CLNK: variants seen among roughly 807,000 people sequenced by gnomAD.
CLNK encodes the protein cytokine dependent hematopoietic cell linker.
Under a neutral mutation model 68.6 loss-of-function variants are expected in CLNK, and 74 were observed. The ratio of observed to expected loss-of-function variants is 1.08; its 90% CI spans 0.89 to 1.31. The LOEUF (loss-of-function observed/expected upper bound fraction) is 1.31, where lower values mean the gene tolerates loss of function less well. CLNK is among the 50% of genes most tolerant of loss of function. The pLI is 0.00. For synonymous variants in CLNK, 198 were observed against 172.2 expected, an observed-to-expected ratio of 1.15 and a Z score of -1.17; for missense variants, 553 against 515.3, an observed-to-expected ratio of 1.07 and a Z score of -0.71.
the CLNK span, among the ~76,000 whole-genome samples, chr4:10,726,008 AGAGGCTGTGAGC>A: frequency 6.6e-6 from 1 of 152,234 alleles, no homozygotes; most frequent in African/African-American, 2.4e-5. Flanking sequence ...TCTGGGGACC[AGAGGCTGTGAGC>A]AAGGTGTGGG....
chr4:10,710,267 G>A, the CLNK span, among the ~76,000 whole-genome samples: 1 of 152,140 alleles, frequency 6.6e-6, no homozygotes, highest in African/African-American at 2.4e-5. Context: ...GAGGCATTAA[G>A]AGTGGTTGGT....
intron 2 of CLNK, among the ~76,000 whole-genome samples, chr4:10,612,300 A>G (rs1436287552): frequency 6.6e-6 from 1 of 152,260 alleles, no homozygotes; most frequent in Non-Finnish European, 1.5e-5. Flanking sequence ...GGTCTGCCCA[A>G]CATCATGGTC....
intron 8 of CLNK, among the ~76,000 whole-genome samples, chr4:10,556,646 C>T (rs1420368636): frequency 2.0e-5 from 3 of 152,196 alleles, no homozygotes; most frequent in Non-Finnish European, 4.4e-5. Context: ...ATTATTATGA[C>T]TGAGGCCATT....
chr4:10,661,336 G>A (rs1356377446), intron 2 of CLNK, among the ~76,000 whole-genome samples: 1 of 152,146 alleles, frequency 6.6e-6, no homozygotes, highest in East Asian at 1.9e-4. Context: ...TATTGTGCAA[G>A]GTTTCAAAGA....
chr4:10,537,597 C>A (rs960817907), intron 11 of CLNK, among the ~76,000 whole-genome samples: 2 of 151,936 alleles, frequency 1.3e-5, no homozygotes, highest in Non-Finnish European at 2.9e-5. Flanking sequence ...CCCTCCCTCC[C>A]TGTCTTTCTC....
At chr4:10,725,443 C>T in the CLNK span, among the ~76,000 whole-genome samples, 1 of 152,118 alleles carries the variant, frequency 6.6e-6, no homozygotes, top group Non-Finnish European at 1.5e-5. Flanking sequence ...CCCTCCCTAG[C>T]CTCCTCCTTC....
At chr4:10,508,640 A>T (rs917365607) in intron 16 of CLNK, among the ~76,000 whole-genome samples, 1 of 152,176 alleles carries the variant, frequency 6.6e-6, no homozygotes, top group African/African-American at 2.4e-5. Context: ...TGGACTTGCA[A>T]TTCCTTCACA....
intron 3 of CLNK, among the ~76,000 whole-genome samples, chr4:10,587,084 C>T (rs1037754657): frequency 1.3e-5 from 2 of 152,110 alleles, no homozygotes; most frequent in East Asian, 3.9e-4. Flanking sequence ...CCGGCCTCAG[C>T]CTCACAAGTA....
intron 4 of CLNK, among the ~76,000 whole-genome samples, chr4:10,581,870 G>C (rs1032473667): frequency 1.3e-5 from 2 of 152,110 alleles, no homozygotes; most frequent in African/African-American, 4.8e-5. Context: ...AGTCTGGATA[G>C]TTTTCTTCTC....
chr4:10,645,602 C>A (rs901276560), intron 2 of CLNK, among the ~76,000 whole-genome samples: 2 of 151,638 alleles, frequency 1.3e-5, no homozygotes, highest in African/African-American at 4.8e-5. Flanking sequence ...TAGCTTATAC[C>A]ATAATATATG....
At chr4:10,610,301 C>T (rs1721962183) in intron 2 of CLNK, among the ~76,000 whole-genome samples, 1 of 150,440 alleles carries the variant, frequency 6.6e-6, no homozygotes. Context: ...GCCTCGGCCT[C>T]CCAAAGTGCT....
the CLNK span, among the ~76,000 whole-genome samples, chr4:10,706,568 A>G: frequency 6.6e-6 from 1 of 152,204 alleles, no homozygotes; most frequent in African/African-American, 2.4e-5. Flanking sequence ...TCAGGAGAAG[A>G]AGAGGAAGTA....
intron 2 of CLNK, among the ~76,000 whole-genome samples, chr4:10,666,988 C>T (rs759340670): frequency 1.3e-5 from 2 of 152,226 alleles, no homozygotes; most frequent in Non-Finnish European, 2.9e-5. Context: ...AGTCCCCTAG[C>T]CTCCCGCTAG....
chr4:10,664,678 A>C (rs1046106765), intron 2 of CLNK, among the ~76,000 whole-genome samples: 3 of 152,222 alleles, frequency 2.0e-5, no homozygotes, highest in Non-Finnish European at 4.4e-5. Context: ...GGGCTGTAGC[A>C]GCTGAGATTC....
Position 10,653,939 on chromosome 4 carries a change from C to A in CLNK, c.11+13920G>T, listed in dbSNP as rs546035014. On this transcript the variant is annotated intron_variant, in intron 2 of 18. Transcript: ENST00000226951. ...ATGAGGGAATAGTAAAACTGACTATCTTTCTATAACCATCAATGATATTGA... is the reference window on the plus strand; with the variant it reads ...ATGAGGGAATAGTAAAACTGACTATATTTCTATAACCATCAATGATATTGA... Among the ~76,000 whole-genome samples, 11 of 152,278 alleles carry A rather than the reference C, an allele frequency of 7.2e-5. No homozygotes were observed. In the South Asian group the frequency reaches 2.1e-3, roughly 29 times the overall value.
the CLNK span, among the ~76,000 whole-genome samples, chr4:10,707,505 G>A: frequency 6.6e-6 from 1 of 152,200 alleles, no homozygotes; most frequent in Non-Finnish European, 1.5e-5. Context: ...CCACTTGTGG[G>A]TATTCCCCCT....
intron 2 of CLNK, among the ~76,000 whole-genome samples, chr4:10,644,859 A>G (rs1723450876): frequency 6.6e-6 from 1 of 152,144 alleles, no homozygotes; most frequent in African/African-American, 2.4e-5. Context: ...TATTTATAAG[A>G]GGATACTTAT....
At chr4:10,600,442 G>A (rs1033295617) in intron 2 of CLNK, among the ~76,000 whole-genome samples, 1 of 152,160 alleles carries the variant, frequency 6.6e-6, no homozygotes, top group Non-Finnish European at 1.5e-5. Flanking sequence ...ACAGATGAAG[G>A]CTGCTTCCTG....
At chr4:10,592,590 A>G (rs1234117139) in intron 3 of CLNK, among the ~76,000 whole-genome samples, 1 of 151,938 alleles carries the variant, frequency 6.6e-6, no homozygotes, top group Non-Finnish European at 1.5e-5. Context: ...CTACAGATCA[A>G]CAGCATCCTA....
Sources: allele counts gnomAD v4.1 joint callset (sites outside exome capture counted in the v4.1 genomes callset), GRCh38; gene constraint gnomAD v4.1.1; transcripts MANE v1.5; gene names NCBI Gene and HGNC (gene_info 2026-07-23, HGNC 2026-07-21).